The following CDC42BPB variants were observed in gnomAD, a reference collection of about 807,000 sequenced individuals.
CDC42BPB encodes the protein serine/threonine-protein kinase MRCK beta.
CDC42BPB carries 37 observed loss-of-function variants against 214.9 expected under a neutral mutation model. The ratio of observed to expected loss-of-function variants is 0.17; its 90% CI spans 0.13 to 0.23. The LOEUF (loss-of-function observed/expected upper bound fraction) is 0.23. Among genes scored for constraint, CDC42BPB ranks in the 10% least tolerant of loss-of-function variants. The pLI, the probability that CDC42BPB is intolerant of heterozygous loss-of-function variation, is 1.00. For missense variants in CDC42BPB, 1,694 were observed against 2,227.0 expected, an observed-to-expected ratio of 0.76 and a Z score of 4.82; for synonymous variants, 931 against 884.0, an observed-to-expected ratio of 1.05 and a Z score of -0.94.
intron 1 of CDC42BPB, among the ~76,000 whole-genome samples, chr14:103,019,499 G>C (rs1886650809): frequency 6.6e-6 from 1 of 152,208 alleles, no homozygotes; most frequent in South Asian, 2.1e-4. Context: ...CTCTAAGGCA[G>C]GGTTGATCGC....
chr14:103,003,850 G>A (rs1895106941), intron 4 of CDC42BPB, 78 bp downstream of exon 4: 4 of 1,175,436 alleles, frequency 3.4e-6, no homozygotes, highest in South Asian at 2.8e-5. Flanking sequence ...CACATTGTCT[G>A]ACTGAATTTT....
chr14:103,053,961 C>T (rs1173805433), intron 1 of CDC42BPB, among the ~76,000 whole-genome samples: 2 of 151,996 alleles, frequency 1.3e-5, no homozygotes, highest in Admixed American at 1.3e-4. Context: ...CCACCTCAGC[C>T]TCCAGAGTAA....
intron 5 of CDC42BPB, among the ~76,000 whole-genome samples, chr14:102,997,947 C>T (rs1288591803): frequency 6.6e-6 from 1 of 152,136 alleles, no homozygotes; most frequent in East Asian, 1.9e-4. Flanking sequence ...GAGTTCAAGA[C>T]CAGCCTGGCC....
chr14:103,051,425 C>CT (rs1207389618), intron 1 of CDC42BPB, among the ~76,000 whole-genome samples: 31 of 118,404 alleles, frequency 2.6e-4, no homozygotes, highest in African/African-American at 9.1e-4. Flanking sequence ...TCTCTTCCAG[C>CT]TAAAAAAAAA....
intron 23 of CDC42BPB, among the ~76,000 whole-genome samples, chr14:102,953,234 C>G (rs1892568670): frequency 6.6e-6 from 1 of 152,216 alleles, no homozygotes; most frequent in South Asian, 2.1e-4. Context: ...TGGGTGAGAC[C>G]ACTTGCAAGA....
At chr14:103,036,205 T>G (rs996688744) in intron 1 of CDC42BPB, among the ~76,000 whole-genome samples, 1 of 150,794 alleles carries the variant, frequency 6.6e-6, no homozygotes, top group Non-Finnish European at 1.5e-5. Flanking sequence ...CAGGCTGGAC[T>G]GCAGTGGCGC....
intron 1 of CDC42BPB, among the ~76,000 whole-genome samples, chr14:103,039,225 C>G (rs1048208264): frequency 1.3e-5 from 2 of 148,566 alleles, no homozygotes; most frequent in Admixed American, 1.4e-4. Flanking sequence ...ATTCTTCACA[C>G]TCTTCCAGAA....
At chr14:103,029,623 G>C (rs1315883275) in intron 1 of CDC42BPB, among the ~76,000 whole-genome samples, 1 of 151,310 alleles carries the variant, frequency 6.6e-6, no homozygotes, top group Admixed American at 6.6e-5. Flanking sequence ...TTGGGAGGCT[G>C]ACATGGGCGG....
At chr14:103,026,893 GACAA>G (rs1171152385) in intron 1 of CDC42BPB, among the ~76,000 whole-genome samples, 2 of 149,758 alleles carry the variant, frequency 1.3e-5, no homozygotes, top group Non-Finnish European at 3.0e-5. Flanking sequence ...AAAGTGAGAA[GACAA>G]ACAACAGAAG....
intron 7 of CDC42BPB, among the ~76,000 whole-genome samples, chr14:102,983,223 C>T (rs1360929117): frequency 1.3e-5 from 2 of 152,180 alleles, no homozygotes; most frequent in Non-Finnish European, 2.9e-5. Flanking sequence ...TGCGCCTGTG[C>T]AGACGACGCG....
intron 5 of CDC42BPB, among the ~76,000 whole-genome samples, chr14:102,988,344 T>G: frequency 7.8e-6 from 1 of 128,494 alleles, no homozygotes; most frequent in African/African-American, 3.2e-5. Flanking sequence ...AACAGAACTT[T>G]CCAGAAATTA....
intron 5 of CDC42BPB, among the ~76,000 whole-genome samples, chr14:102,995,935 T>C (rs1443803526): frequency 6.6e-6 from 1 of 152,224 alleles, no homozygotes; most frequent in Non-Finnish European, 1.5e-5. Flanking sequence ...AGATTGCATC[T>C]GGGCACTCAG....
chr14:102,952,873 G>T, intron 23 of CDC42BPB: 2 of 300,564 alleles, frequency 6.7e-6, no homozygotes, highest in Non-Finnish European at 4.9e-6. Context: ...GGGCCAGAGG[G>T]CCGAGGTGGC....
At chr14:103,056,217 G>T (rs1888939002) in intron 1 of CDC42BPB, among the ~76,000 whole-genome samples, 1 of 152,086 alleles carries the variant, frequency 6.6e-6, no homozygotes, top group Non-Finnish European at 1.5e-5. Context: ...GTTTCTAAGT[G>T]ATAGCTCCAG....
intron 5 of CDC42BPB, among the ~76,000 whole-genome samples, chr14:102,993,439 ACT>A (rs1387586885): frequency 6.6e-6 from 1 of 151,514 alleles, no homozygotes; most frequent in East Asian, 1.9e-4. Context: ...CATCTAACAG[ACT>A]CTCCCACGTC....
At chr14:102,997,485 G>A (rs1005608013) in intron 5 of CDC42BPB, among the ~76,000 whole-genome samples, 3 of 152,134 alleles carry the variant, frequency 2.0e-5, no homozygotes, top group Non-Finnish European at 1.5e-5. Context: ...AAAGGGAGAG[G>A]GGATCTCTGC....
intron 1 of CDC42BPB, among the ~76,000 whole-genome samples, chr14:103,033,185 A>G (rs901268283): frequency 2.0e-5 from 3 of 152,046 alleles, no homozygotes; most frequent in Non-Finnish European, 4.4e-5. Flanking sequence ...CTGGTGGTTC[A>G]TTATTCTATA....
At chr14:103,055,826 T>C (rs967091859) in intron 1 of CDC42BPB, among the ~76,000 whole-genome samples, 1 of 152,270 alleles carries the variant, frequency 6.6e-6, no homozygotes, top group African/African-American at 2.4e-5. Context: ...AACACTTTCA[T>C]TTGTTTCTTC....
intron 16 of CDC42BPB, chr14:102,967,473 C>T (rs1468197234): frequency 2.1e-6 from 1 of 467,988 alleles, no homozygotes; most frequent in Non-Finnish European, 2.8e-6. Context: ...AAAATTAAAA[C>T]AGTCACGTGT....
Sources: gnomAD v4.1 joint callset for allele counts (sites outside exome capture counted in the v4.1 genomes callset) on GRCh38, gnomAD v4.1.1 for gene constraint, MANE v1.5 for transcripts, NCBI Gene and HGNC (gene_info 2026-07-23, HGNC 2026-07-21) for gene names.